The following ZNF257 variants were observed in gnomAD, a reference collection of about 807,000 sequenced individuals.
The protein encoded by ZNF257 is bone marrow zinc finger 4.
A neutral mutation model predicts 11.9 loss-of-function variants in ZNF257; 12 were observed. The ratio of observed to expected loss-of-function variants is 1.01; its 90% CI spans 0.65 to 1.63. The LOEUF (loss-of-function observed/expected upper bound fraction) is 1.63. ZNF257 is among the 40% of genes most tolerant of loss of function. ZNF257 has a pLI of 0.00. For synonymous variants in ZNF257, 183 were observed against 222.7 expected, an observed-to-expected ratio of 0.82 and a Z score of 1.59; for missense variants, 580 against 665.5, an observed-to-expected ratio of 0.87 and a Z score of 1.41.
chr19:22,075,531 G>A (rs973661955), intron 3 of ZNF257: 1 of 152,224 alleles, frequency 6.6e-6, no homozygotes, highest in African/African-American at 2.4e-5. Context: ...CTCCCAGACT[G>A]CGGCTGAAAG....
At chr19:22,071,606 T>G (rs562139180) in intron 1 of ZNF257, among the ~76,000 whole-genome samples, 1 of 152,204 alleles carries the variant, frequency 6.6e-6, no homozygotes, top group African/African-American at 2.4e-5. Context: ...ATGAGTTTGT[T>G]TTAACTACTT....
rs138062894 is a variant in ZNF257 at position 22,057,277 on chromosome 19, A to G, written c.3+4642A>G. Among the ~76,000 whole-genome samples the G allele has an allele frequency of 7.8e-3, 1,183 of 152,338 alleles. 10 individuals are homozygous for G. The highest frequency in any genetic ancestry group is 0.027 in the African/African-American group (1,110 of 41,572). On this transcript the variant is annotated intron_variant, in intron 1 of 3. Coordinates refer to ENST00000594947, the MANE Select transcript of ZNF257 (RefSeq NM_033468.4). ...CTAGATTTTTTAAACACTTAGTTTC[A>G]AAAACCAAGTGAGTAACTCTGTCAT...
chr19:22,053,358 C>T (rs545417479), intron 1 of ZNF257, among the ~76,000 whole-genome samples: 220 of 106,474 alleles, frequency 2.1e-3, no homozygotes, highest in African/African-American at 8.4e-3. Flanking sequence ...CAGAGCGAGA[C>T]TCCGTCTCAA....
intron 3 of ZNF257, among the ~76,000 whole-genome samples, chr19:22,079,601 T>C (rs1212680950): frequency 6.6e-6 from 1 of 152,092 alleles, no homozygotes; most frequent in Non-Finnish European, 1.5e-5. Context: ...CTGGAACTTA[T>C]TCACTATCAC....
chr19:22,056,610 G>T (rs1251807566), intron 1 of ZNF257, among the ~76,000 whole-genome samples: 2 of 151,646 alleles, frequency 1.3e-5, no homozygotes, highest in Admixed American at 6.6e-5. Context: ...CGAGTAGCTG[G>T]GACTACAGGC....
intron 1 of ZNF257, among the ~76,000 whole-genome samples, chr19:22,068,004 T>A (rs1324018088): frequency 6.6e-6 from 1 of 151,922 alleles, no homozygotes; most frequent in African/African-American, 2.4e-5. Context: ...CTGATGTATA[T>A]CCAATCAATA....
rs143937912 is a variant in ZNF257, at chr19:22,070,708, C to G, written c.4-2101C>G. ...TGACAAGAGTGCTGAGTATAAGGGA[C>G]TCTGTGCTGTGCCTGCTTTCTCTAA... On this transcript the variant is annotated intron_variant, in intron 1 of 3. Transcript: ENST00000594947. 2.1e-3 allele frequency among the ~76,000 whole-genome samples: 318 copies of G among 152,230 alleles called. 2 individuals are homozygous for G. Among genetic ancestry groups the G allele is most frequent in the African/African-American group, 7.2e-3 (300 of 41,488 alleles).
In ZNF257 at chr19:22,085,711, A is replaced by AC. The variant is rs578103555; in HGVS notation, c.227-2266_227-2265insC. 1.6e-3 allele frequency among the ~76,000 whole-genome samples: 236 copies of AC among 148,340 alleles called. 1 individual carries two copies. Among genetic ancestry groups the AC allele is most frequent in the African/African-American group, 5.8e-3 (226 of 39,042 alleles). On this transcript the variant is annotated intron_variant, in intron 3 of 3. Coordinates refer to ENST00000594947, the MANE Select transcript of ZNF257 (RefSeq NM_033468.4). ...ACATGCACACACACACACACACACAAACACGCAAACATGAGTATATACAAA... is the reference window on the plus strand; with the variant it reads ...ACATGCACACACACACACACACACAACACACGCAAACATGAGTATATACAAA...
intron 3 of ZNF257, among the ~76,000 whole-genome samples, chr19:22,079,951 G>T (rs537562270): frequency 1.3e-5 from 2 of 151,998 alleles, no homozygotes; most frequent in African/African-American, 4.8e-5. Flanking sequence ...GTCAGAAAAC[G>T]CACAGTGTAT....
intron 1 of ZNF257, among the ~76,000 whole-genome samples, chr19:22,057,507 AG>A (rs75280749): frequency 0.18 from 28,083 of 152,140 alleles, 2,918 homozygotes; most frequent in African/African-American, 0.25. Flanking sequence ...TTAAAATAGA[AG>A]GGGTCTCAGA....
At chr19:22,068,012 A>G (rs1016863354) in intron 1 of ZNF257, among the ~76,000 whole-genome samples, 6 of 152,012 alleles carry the variant, frequency 3.9e-5, no homozygotes, top group Admixed American at 2.0e-4. Flanking sequence ...TATCCAATCA[A>G]TAGTCAATGT....
intron 1 of ZNF257, among the ~76,000 whole-genome samples, chr19:22,068,156 CTTTT>C (rs758701719): frequency 8.2e-5 from 10 of 121,224 alleles, no homozygotes; most frequent in Non-Finnish European, 8.6e-5. Flanking sequence ...CTCTGTCCCT[CTTTT>C]TTTTTTTTTT....
chr19:22,052,580 C>A lies in ZNF257; in HGVS notation c.-53C>A. 2.5e-6 allele frequency: 4 copies of A among 1,597,710 alleles called. No homozygotes were observed. The highest frequency in any genetic ancestry group is 3.4e-6 in the Non-Finnish European group (4 of 1,169,622). ...CCAGCCTCTGTGGCCCTGTGACCTG[C>A]AGGTATTGGGAGATCCCCAGCTAAG... On this transcript the variant is annotated 5_prime_UTR_variant, in exon 1 of 4. Transcript: ENST00000594947.
chr19:22,062,225 T>G (rs958167409), intron 1 of ZNF257, among the ~76,000 whole-genome samples: 5 of 124,084 alleles, frequency 4.0e-5, no homozygotes, highest in Admixed American at 2.9e-4. Context: ...TGCGCCTGCT[T>G]TTTTTTTTTT....
Position 22,088,341 on chromosome 19 carries a change from A to G in ZNF257, c.591A>G (p.Arg197=). Residue 197 remains arginine (R), a synonymous_variant, in exon 4 of 4, where the codon AGA becomes AGG. Transcript: ENST00000594947. ...CTCGACATAAGAGAATTCATATTAG[A>G]GAGAATTCCCACAAATGTGAAGAAT... The part of the protein sequence containing the change: ...QLTRHKRIHI[R]ENSHKCEECG... The G allele has an allele frequency of 6.2e-7, 1 of 1,613,690 alleles. No homozygotes were observed.
rs147167588 is a variant in ZNF257, at chr19:22,053,526, T to C, written c.3+891T>C. ...GATGCAGTTACATAGTTTGTTAATT[T>C]GTACTATCAAGGTGGACATTTCCTT... On this transcript the variant is annotated intron_variant, in intron 1 of 3. Transcript: ENST00000594947. 1.6e-3 allele frequency among the ~76,000 whole-genome samples: 238 copies of C among 152,358 alleles called. 3 individuals carry two copies. The East Asian group carries it at 0.043, about 28-fold the overall frequency.
At chr19:22,077,710 A>G (rs1303522811) in intron 3 of ZNF257, among the ~76,000 whole-genome samples, 4 of 152,158 alleles carry the variant, frequency 2.6e-5, no homozygotes, top group Non-Finnish European at 5.9e-5. Context: ...TTTTGTGAAT[A>G]CTAATACAAT....
intron 1 of ZNF257, among the ~76,000 whole-genome samples, chr19:22,062,484 C>CT (rs34616431): frequency 1.3e-3 from 175 of 136,558 alleles, no homozygotes; most frequent in African/African-American, 2.6e-3. Context: ...TTCTTTCTTT[C>CT]TTTTTTTTTT....
intron 1 of ZNF257, among the ~76,000 whole-genome samples, chr19:22,053,214 CA>C (rs1176086597): frequency 7.9e-5 from 12 of 151,648 alleles, no homozygotes; most frequent in African/African-American, 2.9e-4. Flanking sequence ...ACTAAAAATA[CA>C]AAAATTAGCG....
Sources: allele counts gnomAD v4.1 joint callset (sites outside exome capture counted in the v4.1 genomes callset), GRCh38; gene constraint gnomAD v4.1.1; transcripts MANE v1.5; gene names NCBI Gene and HGNC (gene_info 2026-07-23, HGNC 2026-07-21).